Variants in LARGE1 observed in about 807,000 individuals in gnomAD.
The protein encoded by LARGE1 is LARGE xylosyl- and glucuronyltransferase 1, also known as xylosyl- and glucuronyltransferase LARGE1.
A neutral mutation model predicts 87.6 loss-of-function variants in LARGE1; 43 were observed. The ratio of observed to expected loss-of-function variants is 0.49; its 90% CI spans 0.38 to 0.63. LARGE1 has a LOEUF of 0.63. Ranked by LOEUF, LARGE1 falls within the 30% of genes least tolerant of loss-of-function variation. The pLI is 0.00. For missense variants in LARGE1, 802 were observed against 1,000.2 expected, an observed-to-expected ratio of 0.80 and a Z score of 2.67; for synonymous variants, 434 against 394.6, an observed-to-expected ratio of 1.10 and a Z score of -1.18.
At position 33,849,703 on chromosome 22, in the gene LARGE1, A is replaced by G. The variant is rs1044224011; in HGVS notation, c.-83+70292T>C. On this transcript the variant is annotated intron_variant, in intron 1 of 14. Coordinates refer to ENST00000397394, the MANE Select transcript of LARGE1 (RefSeq NM_133642.5). ...AACCTCTACCTCCCAGGTTCAAGCAATTCTCCTGCCTCAGCCTTCCAAGAA... is the reference window on the plus strand; with the variant it reads ...AACCTCTACCTCCCAGGTTCAAGCAGTTCTCCTGCCTCAGCCTTCCAAGAA... Among the ~76,000 whole-genome samples the G allele has an allele frequency of 2.7e-5, 4 of 147,400 alleles. No homozygotes were observed. The East Asian group carries it at 8.0e-4, about 30-fold the overall frequency.
chr22:33,254,885 A>C (rs996196487), intron 11 of LARGE1, among the ~76,000 whole-genome samples: 2 of 151,202 alleles, frequency 1.3e-5, no homozygotes, highest in Admixed American at 6.6e-5. Flanking sequence ...AGGAGCTCAT[A>C]TCTAATAATC....
intron 4 of LARGE1, among the ~76,000 whole-genome samples, chr22:33,625,240 G>C (rs995886497): frequency 4.6e-5 from 7 of 152,198 alleles, no homozygotes; most frequent in Non-Finnish European, 1.0e-4. Flanking sequence ...GCAGAGCCAA[G>C]GACACTGGCT....
At chr22:33,544,453 G>A (rs941035417) in intron 6 of LARGE1, among the ~76,000 whole-genome samples, 2 of 152,172 alleles carry the variant, frequency 1.3e-5, no homozygotes, top group Non-Finnish European at 2.9e-5. Flanking sequence ...TTGGGAGGCT[G>A]AGGCGGGCAG....
At chr22:33,649,734 G>A (rs1602971245) in intron 3 of LARGE1, among the ~76,000 whole-genome samples, 2 of 152,310 alleles carry the variant, frequency 1.3e-5, no homozygotes, top group South Asian at 4.1e-4. Flanking sequence ...GAAACAATGG[G>A]GAATGAGTGT....
chr22:33,850,576 G>GTAT (rs1371051817), intron 1 of LARGE1, among the ~76,000 whole-genome samples: 1 of 152,176 alleles, frequency 6.6e-6, no homozygotes, highest in Non-Finnish European at 1.5e-5. Context: ...ACAGACAGTC[G>GTAT]TATTATTATT....
At chr22:33,882,934 C>T (rs2064740013) in intron 1 of LARGE1, among the ~76,000 whole-genome samples, 1 of 152,188 alleles carries the variant, frequency 6.6e-6, no homozygotes, top group African/African-American at 2.4e-5. Flanking sequence ...TCACCCCCAT[C>T]TCTCCACAAA....
intron 1 of LARGE1, among the ~76,000 whole-genome samples, chr22:33,854,670 G>C (rs937578127): frequency 6.5e-5 from 8 of 123,816 alleles, no homozygotes; most frequent in African/African-American, 2.0e-4. Context: ...AGTGTCTCCA[G>C]TTTATTTAAA....
At chr22:33,862,794 C>T (rs1326718525) in intron 1 of LARGE1, among the ~76,000 whole-genome samples, 2 of 152,054 alleles carry the variant, frequency 1.3e-5, no homozygotes, top group Non-Finnish European at 2.9e-5. Context: ...TCTATTAACA[C>T]AAAAAGGGCA....
At chr22:33,604,228 C>G in intron 5 of LARGE1, among the ~76,000 whole-genome samples, 1 of 152,200 alleles carries the variant, frequency 6.6e-6, no homozygotes, top group East Asian at 1.9e-4. Context: ...TCAAAACTCA[C>G]AGACCAAAGT....
rs146169927 is a variant in LARGE1 at position 33,432,595 on chromosome 22, T to TCATTCACG, written c.788-331_788-330insCGTGAATG. ...TTCATTCATTCATTCATTCATTCATTCATGCATGCATGCATGCATTTCTTT... is the reference window on the plus strand; with the variant it reads ...TTCATTCATTCATTCATTCATTCATTCATTCACGCATGCATGCATGCATGCATTTCTTT... On this transcript the variant is annotated intron_variant, in intron 6 of 14. Coordinates refer to ENST00000397394, the MANE Select transcript of LARGE1 (RefSeq NM_133642.5). Among the ~76,000 whole-genome samples the TCATTCACG allele has an allele frequency of 0.035, 5,087 of 147,240 alleles. 278 individuals carry two copies. Among genetic ancestry groups the TCATTCACG allele is most frequent in the African/African-American group, 0.12 (4,845 of 39,660 alleles).
intron 11 of LARGE1, among the ~76,000 whole-genome samples, chr22:33,174,315 C>T (rs1199300461): frequency 1.3e-5 from 2 of 151,776 alleles, no homozygotes; most frequent in Admixed American, 1.3e-4. Context: ...CACAACATAC[C>T]AGAATCTCTG....
intron 11 of LARGE1, among the ~76,000 whole-genome samples, chr22:33,209,002 T>C (rs1924825382): frequency 6.6e-6 from 1 of 152,230 alleles, no homozygotes; most frequent in Non-Finnish European, 1.5e-5. Context: ...TCAAAGTCTT[T>C]GCTATTGTGA....
intron 1 of LARGE1, among the ~76,000 whole-genome samples, chr22:33,825,699 G>C (rs565838623): frequency 6.6e-6 from 1 of 152,066 alleles, no homozygotes; most frequent in Non-Finnish European, 1.5e-5. Flanking sequence ...GCGATTACAC[G>C]AACTACAATT....
At chr22:33,704,287 A>C (rs2082490923) in intron 2 of LARGE1, among the ~76,000 whole-genome samples, 1 of 152,248 alleles carries the variant, frequency 6.6e-6, no homozygotes, top group African/African-American at 2.4e-5. Flanking sequence ...GCTGTGACCC[A>C]GTACAAGCAC....
In LARGE1 at chr22:33,738,429, C is replaced by G. The variant is rs144941342; in HGVS notation, c.106+22942G>C. Among the ~76,000 whole-genome samples, 461 of 152,288 alleles carry G rather than the reference C, an allele frequency of 3.0e-3. 5 individuals are homozygous for G. Among genetic ancestry groups the G allele is most frequent in the African/African-American group, 1.0e-2 (414 of 41,554 alleles). ...AGGCATTTGGAAAGCCAGCAGGGCA[C>G]TCAGGGGCCTCAGATGGCTCAGATG... On this transcript the variant is annotated intron_variant, in intron 2 of 14. Coordinates refer to ENST00000397394, the MANE Select transcript of LARGE1 (RefSeq NM_133642.5).
chr22:33,434,628 GT>G (rs2067199426), intron 6 of LARGE1, among the ~76,000 whole-genome samples: 1 of 152,060 alleles, frequency 6.6e-6, no homozygotes, highest in Non-Finnish European at 1.5e-5. Context: ...AATTTAGGGG[GT>G]CCATCTAAAT....
At chr22:33,298,858 A>G (rs1350723486) in intron 12 of LARGE1, among the ~76,000 whole-genome samples, 2 of 151,914 alleles carry the variant, frequency 1.3e-5, no homozygotes, top group Non-Finnish European at 2.9e-5. Flanking sequence ...AAGAAAGAAG[A>G]AAGAAAAGAA....
intron 2 of LARGE1, among the ~76,000 whole-genome samples, chr22:33,703,574 G>C (rs1222727901): frequency 6.6e-6 from 1 of 152,188 alleles, no homozygotes; most frequent in African/African-American, 2.4e-5. Flanking sequence ...GTCCTTATAA[G>C]AGAGATGCAG....
chr22:33,748,897 C>T (rs375391041), intron 2 of LARGE1, among the ~76,000 whole-genome samples: 3 of 152,190 alleles, frequency 2.0e-5, no homozygotes, highest in Non-Finnish European at 4.4e-5. Flanking sequence ...AGGCTGTGAG[C>T]TTCGTTATAT....
Sources: gnomAD v4.1 joint callset for allele counts (sites outside exome capture counted in the v4.1 genomes callset) on GRCh38, gnomAD v4.1.1 for gene constraint, MANE v1.5 for transcripts, NCBI Gene and HGNC (gene_info 2026-07-23, HGNC 2026-07-21) for gene names.